The following DMRT1 variants were observed in gnomAD, a reference collection of about 807,000 sequenced individuals.
DMRT1 encodes the protein doublesex- and mab-3-related transcription factor 1.
A neutral mutation model predicts 32.3 loss-of-function variants in DMRT1; 7 were observed. That is an observed-to-expected ratio of 0.22 (90% CI 0.12 to 0.41). The LOEUF (loss-of-function observed/expected upper bound fraction) is 0.41, where lower values mean the gene tolerates loss of function less well. Among genes scored for constraint, DMRT1 ranks in the 10% least tolerant of loss-of-function variants. The pLI is 1.00. For synonymous variants in DMRT1, 278 were observed against 206.1 expected, an observed-to-expected ratio of 1.35 and a Z score of -2.99; for missense variants, 625 against 500.5, an observed-to-expected ratio of 1.25 and a Z score of -2.37.
rs151266891 is a variant in DMRT1, at chr9:962,685, T to G, written c.968-5300T>G. Among the ~76,000 whole-genome samples, 264 of 152,188 alleles carry G rather than the reference T, an allele frequency of 1.7e-3. 2 individuals carry two copies. Among genetic ancestry groups the G allele is most frequent in the African/African-American group, 5.7e-3 (238 of 41,512 alleles). On this transcript the variant is annotated intron_variant, in intron 4 of 4. Coordinates refer to ENST00000382276, the MANE Select transcript of DMRT1 (RefSeq NM_021951.3). Reference sequence around the variant, plus strand: ...AGCTAATTTTGCTTGAGTCCCTGGTTGGGGTATAAGGCTGAATGCGCCCCT... The same window carrying G: ...AGCTAATTTTGCTTGAGTCCCTGGTGGGGGTATAAGGCTGAATGCGCCCCT...
At chr9:927,394 T>C (rs74793969) in intron 4 of DMRT1, among the ~76,000 whole-genome samples, 6 of 152,356 alleles carry the variant, frequency 3.9e-5, no homozygotes, top group East Asian at 1.9e-4. Flanking sequence ...CTCGCTGCAA[T>C]GTTTACTGCT....
At chr9:863,632 A>T (rs1206292957) in intron 2 of DMRT1, among the ~76,000 whole-genome samples, 2 of 152,168 alleles carry the variant, frequency 1.3e-5, no homozygotes, top group African/African-American at 4.8e-5. Flanking sequence ...CCAGAAAGAA[A>T]TGCAGCCCCA....
At chr9:930,424 T>C (rs1236019060) in intron 4 of DMRT1, among the ~76,000 whole-genome samples, 2 of 151,948 alleles carry the variant, frequency 1.3e-5, no homozygotes, top group East Asian at 3.9e-4. Context: ...AAATTTTTTT[T>C]TTTTTGAGAC....
intron 3 of DMRT1, among the ~76,000 whole-genome samples, chr9:896,471 C>G (rs1213538213): frequency 6.6e-6 from 1 of 151,810 alleles, no homozygotes; most frequent in Non-Finnish European, 1.5e-5. Flanking sequence ...TTTCCTCCAC[C>G]TCGAGCTCCC....
chr9:957,053 G>A (rs1372519636), intron 4 of DMRT1, among the ~76,000 whole-genome samples: 1 of 152,180 alleles, frequency 6.6e-6, no homozygotes, highest in African/African-American at 2.4e-5. Flanking sequence ...CTGTCACCCA[G>A]GTACTGAGCA....
intron 3 of DMRT1, among the ~76,000 whole-genome samples, chr9:903,166 C>T (rs941405316): frequency 5.9e-5 from 9 of 152,012 alleles, no homozygotes; most frequent in African/African-American, 2.2e-4. Flanking sequence ...AATAGTGGAC[C>T]CAATTCTCTT....
At chr9:919,425 AGGG>A (rs147912794) in intron 4 of DMRT1, among the ~76,000 whole-genome samples, 1,222 of 52,520 alleles carry the variant, frequency 0.023, 15 homozygotes, top group African/African-American at 0.078. Flanking sequence ...GGGCGGGGGG[AGGG>A]GGGCATTTTA....
chr9:923,830 T>G (rs988337431), intron 4 of DMRT1, among the ~76,000 whole-genome samples: 2 of 152,248 alleles, frequency 1.3e-5, no homozygotes, highest in Non-Finnish European at 1.5e-5. Context: ...GAGTTTAATT[T>G]AAACTTGACA....
intron 4 of DMRT1, among the ~76,000 whole-genome samples, chr9:938,706 CTTCT>C (rs1818965786): frequency 6.6e-6 from 1 of 152,144 alleles, no homozygotes; most frequent in African/African-American, 2.4e-5. Flanking sequence ...GATAATTGTA[CTTCT>C]TTCTTTCCAA....
In DMRT1 at chr9:926,550, C is replaced by T. The variant is rs189521677; in HGVS notation, c.967+9643C>T. Reference sequence around the variant, plus strand: ...GAGGAAGATGTTATTTAATCTTCACCTAGTCTGTCAGCAGCTTATCATGAG... The same window carrying T: ...GAGGAAGATGTTATTTAATCTTCACTTAGTCTGTCAGCAGCTTATCATGAG... On this transcript the variant is annotated intron_variant, in intron 4 of 4. Coordinates refer to ENST00000382276, the MANE Select transcript of DMRT1 (RefSeq NM_021951.3). Among the ~76,000 whole-genome samples the T allele has an allele frequency of 1.7e-3, 265 of 152,246 alleles. 1 individual carries two copies. The highest frequency in any genetic ancestry group is 1.5e-3 in the Non-Finnish European group (101 of 68,028).
intron 3 of DMRT1, among the ~76,000 whole-genome samples, chr9:911,536 A>C (rs528182930): frequency 6.6e-4 from 77 of 116,462 alleles, no homozygotes; most frequent in African/African-American, 2.5e-3. Context: ...TCTGTCGCCC[A>C]GGCTGGAGTG....
rs576353382 is a variant in DMRT1, at chr9:904,412, A to G, written c.822+10217A>G. ...TAAGTGTTCCTCATCATTTGAATAA[A>G]GATGAAAATCAAGGGAATGCATAAC... On this transcript the variant is annotated intron_variant, in intron 3 of 4. Coordinates refer to ENST00000382276, the MANE Select transcript of DMRT1 (RefSeq NM_021951.3). Among the ~76,000 whole-genome samples, 156 of 152,370 alleles carry G rather than the reference A, an allele frequency of 1.0e-3. 4 individuals are homozygous for G. The South Asian group carries it at 0.03, about 29-fold the overall frequency.
intron 2 of DMRT1, among the ~76,000 whole-genome samples, chr9:856,743 G>C (rs1042792192): frequency 3.3e-5 from 5 of 152,026 alleles, no homozygotes; most frequent in Admixed American, 1.3e-4. Flanking sequence ...CATTCTCTTG[G>C]GTATATACCA....
chr9:894,268 C>T (rs1586579809), intron 3 of DMRT1, 73 bp downstream of exon 3: 3 of 1,474,236 alleles, frequency 2.0e-6, no homozygotes, highest in East Asian at 2.3e-5. Flanking sequence ...CATGCACATA[C>T]ACACAGAGGC....
intron 4 of DMRT1, among the ~76,000 whole-genome samples, chr9:926,087 A>G (rs1335880569): frequency 6.6e-6 from 1 of 152,244 alleles, no homozygotes; most frequent in Admixed American, 6.5e-5. Flanking sequence ...AAATGCCCCC[A>G]TCTGGGGTTG....
Position 847,160 on chromosome 9 carries a change from G to T in DMRT1, c.538+17G>T. 6.2e-7 allele frequency: 1 copy of T among 1,610,858 alleles called. No homozygotes were observed. The highest frequency in any genetic ancestry group is 8.5e-7 in the Non-Finnish European group (1 of 1,178,934). ...CAGCTTCAGGTAATCTGGAGGGGCT[G>T]GGGTTCACATGGAGGCTGGGCATGA... On this transcript the variant is annotated intron_variant, in intron 2 of 4. Transcript: ENST00000382276.
chr9:899,931 C>G (rs1051118511), intron 3 of DMRT1, among the ~76,000 whole-genome samples: 21 of 152,330 alleles, frequency 1.4e-4, no homozygotes, highest in Middle Eastern at 3.4e-3. Flanking sequence ...AATGGCAGCA[C>G]TGGCAGTTAT....
intron 4 of DMRT1, among the ~76,000 whole-genome samples, chr9:960,392 C>T (rs1418681312): frequency 6.6e-6 from 1 of 152,164 alleles, no homozygotes; most frequent in Non-Finnish European, 1.5e-5. Flanking sequence ...CTATTAATTT[C>T]CAATGGAGTA....
chr9:894,974 C>T (rs1350071796), intron 3 of DMRT1: 1 of 152,126 alleles, frequency 6.6e-6, no homozygotes, highest in Admixed American at 6.6e-5. Flanking sequence ...ACCACCCCAC[C>T]CGGCTAATTT....
Sources: allele counts gnomAD v4.1 joint callset (sites outside exome capture counted in the v4.1 genomes callset), GRCh38; gene constraint gnomAD v4.1.1; transcripts MANE v1.5; gene names NCBI Gene and HGNC (gene_info 2026-07-23, HGNC 2026-07-21).